KLF7: variants seen among roughly 807,000 people sequenced by gnomAD.
KLF7 encodes the protein KLF transcription factor 7, also known as Krueppel-like factor 7.
Under a neutral mutation model 27.3 loss-of-function variants are expected in KLF7, and 2 were observed. That is an observed-to-expected ratio of 0.07 (90% CI 0.03 to 0.23). KLF7 has a LOEUF of 0.23. Among genes scored for constraint, KLF7 ranks in the 10% least tolerant of loss-of-function variants. The pLI, the probability that KLF7 is intolerant of heterozygous loss-of-function variation, is 1.00. For missense variants in KLF7, 221 were observed against 394.1 expected (o/e 0.56, Z 3.72); for synonymous variants, 165 against 162.4 (o/e 1.02, Z -0.12).
intron 1 of KLF7, among the ~76,000 whole-genome samples, chr2:207,149,776 C>T (rs1208356578): frequency 1.3e-5 from 2 of 152,192 alleles, no homozygotes; most frequent in African/African-American, 4.8e-5. Flanking sequence ...AACCTTCCTT[C>T]CAAGCTGCAG....
At chr2:207,122,369 C>T (rs2105980529) in intron 2 of KLF7, among the ~76,000 whole-genome samples, 1 of 152,154 alleles carries the variant, frequency 6.6e-6, no homozygotes, top group South Asian at 2.1e-4. Flanking sequence ...TCCTGGTGTG[C>T]AAGGAAGCAA....
intron 1 of KLF7, among the ~76,000 whole-genome samples, chr2:207,135,672 A>T (rs2077763789): frequency 6.6e-6 from 1 of 152,258 alleles, no homozygotes; most frequent in Non-Finnish European, 1.5e-5. Context: ...CAAGAGTATC[A>T]TGAAAGCCAG....
chr2:207,134,989 G>A (rs7583880), intron 1 of KLF7, among the ~76,000 whole-genome samples: 99,570 of 152,122 alleles, frequency 0.65, 32,942 homozygotes, highest in Admixed American at 0.72. Flanking sequence ...TACACTTCCA[G>A]ACAGACATAA....
At chr2:207,118,190 A>G (rs2077239676) in intron 2 of KLF7, among the ~76,000 whole-genome samples, 1 of 152,116 alleles carries the variant, frequency 6.6e-6, no homozygotes, top group Admixed American at 6.5e-5. Context: ...GACCTTTCTT[A>G]TTTGATAGGG....
chr2:207,100,896 C>T (rs372863037), intron 2 of KLF7, among the ~76,000 whole-genome samples: 10 of 152,222 alleles, frequency 6.6e-5, no homozygotes, highest in African/African-American at 2.2e-4. Flanking sequence ...TATGTCCAGG[C>T]ACTGGGCTAG....
chr2:207,109,352 A>C (rs2076967334), intron 2 of KLF7, among the ~76,000 whole-genome samples: 1 of 152,216 alleles, frequency 6.6e-6, no homozygotes, highest in Non-Finnish European at 1.5e-5. Flanking sequence ...TCTGAACCAT[A>C]AACAAAACTG....
intron 2 of KLF7, among the ~76,000 whole-genome samples, 194 bp downstream of exon 2, chr2:207,123,580 G>A (rs112428945): frequency 2.6e-5 from 4 of 152,244 alleles, no homozygotes; most frequent in African/African-American, 9.6e-5. Context: ...GGACAAACCC[G>A]TCTGTGCTTG....
intron 1 of KLF7, among the ~76,000 whole-genome samples, chr2:207,144,582 C>T (rs2078043098): frequency 6.6e-6 from 1 of 152,178 alleles, no homozygotes; most frequent in Non-Finnish European, 1.5e-5. Context: ...TCACCAACTC[C>T]CATGATACCC....
chr2:207,088,389 G>T, intron 3 of KLF7, 69 bp downstream of exon 3: 1 of 1,549,198 alleles, frequency 6.5e-7, no homozygotes, highest in Non-Finnish European at 8.8e-7. Flanking sequence ...AAGCACACGG[G>T]TGCTGCTCAC....
At chr2:207,095,793 TA>T (rs1392381792) in intron 2 of KLF7, among the ~76,000 whole-genome samples, 1 of 152,192 alleles carries the variant, frequency 6.6e-6, no homozygotes, top group African/African-American at 2.4e-5. Context: ...GAATTAGTAT[TA>T]AAAAAGAATG....
At chr2:207,166,939 G>GCGCCGCCGC (rs200790025), upstream of KLF7, 46 of 751,922 alleles carry the variant, frequency 6.1e-5, no homozygotes, top group South Asian at 1.8e-4. Flanking sequence ...CGCCCCGCGG[G>GCGCCGCCGC]CGCCGCCGCC....
Position 207,076,023 on chromosome 2 carries a change from C to T in KLF7, c.*5190G>A, listed in dbSNP as rs1018932269. ...CTATGTGGAACTCCCAGTGTGGTTT[C>T]GATATACTGGCAATTATAAGCATCC... On this transcript the variant is annotated 3_prime_UTR_variant, in exon 4 of 4. Transcript: ENST00000309446. 6.7e-6 allele frequency: 1 copy of T among 149,690 alleles called. No homozygotes were observed. Among genetic ancestry groups the T allele is most frequent in the Non-Finnish European group, 1.5e-5 (1 of 67,440 alleles). 9.3% of individuals were successfully genotyped at this position (149,690 alleles called of 1,614,324 possible). A position where few individuals can be genotyped will look rare whatever the true frequency, so the allele number is the denominator to read the frequency against.
intron 2 of KLF7, among the ~76,000 whole-genome samples, chr2:207,092,899 T>G (rs538242732): frequency 1.0e-3 from 155 of 152,334 alleles, no homozygotes; most frequent in African/African-American, 3.3e-3. Context: ...CATACATATT[T>G]CTTCTTGCCT....
intron 1 of KLF7, 36 bp downstream of exon 1, chr2:207,165,431 A>C (rs766827965): frequency 7.4e-6 from 12 of 1,613,462 alleles, no homozygotes; most frequent in Non-Finnish European, 1.0e-5. Flanking sequence ...CTCCGCCGCC[A>C]CCACACGATT....
rs1372858612 is a variant in KLF7 at position 207,124,113 on chromosome 2, C to T, written c.394G>A (p.Ala132Thr). The T allele has an allele frequency of 3.1e-6, 5 of 1,614,038 alleles. No homozygotes were observed. The highest frequency in any genetic ancestry group is 4.5e-5 in the East Asian group (2 of 44,884). ...GATGGGGGCGTTAATGAGGTCACTG[C>T]GTTGAGCTGGGCCTGGTTGACGGCT... ...YTAVNQAQLNAVTSLTPPSSP... is the reference protein window; with the variant it reads ...YTAVNQAQLNTVTSLTPPSSP... The change falls in exon 2 of 4, where the codon GCA becomes ACA. Residue 132 changes from alanine to threonine, a missense_variant. Ala to Thr is a moderately conservative substitution (Grantham distance 58). Around this residue, in one of 3 missense-constraint regions of KLF7, gnomAD observed 180 missense variants for 227.9 expected, o/e 0.79. Coordinates refer to ENST00000309446, the MANE Select transcript of KLF7 (RefSeq NM_003709.4).
At chr2:207,082,058 C>T (rs891132109) in intron 3 of KLF7, among the ~76,000 whole-genome samples, 3 of 152,116 alleles carry the variant, frequency 2.0e-5, no homozygotes, top group Non-Finnish European at 4.4e-5. Context: ...TTTCTTGGAA[C>T]CTAAGGCCCA....
intron 3 of KLF7, among the ~76,000 whole-genome samples, chr2:207,082,153 C>T (rs2076287531): frequency 6.6e-6 from 1 of 152,164 alleles, no homozygotes; most frequent in African/African-American, 2.4e-5. Flanking sequence ...TTGATATTCT[C>T]TTGGGTACCA....
intron 1 of KLF7, among the ~76,000 whole-genome samples, chr2:207,137,749 CCTCT>C (rs1050694288): frequency 1.3e-5 from 2 of 150,548 alleles, no homozygotes; most frequent in Non-Finnish European, 3.0e-5. Flanking sequence ...ATTTTGGATG[CCTCT>C]CTCTCTAAAT....
At chr2:207,160,652 A>C (rs949445630) in intron 1 of KLF7, among the ~76,000 whole-genome samples, 2 of 152,258 alleles carry the variant, frequency 1.3e-5, no homozygotes, top group Non-Finnish European at 2.9e-5. Context: ...CTTGTACTCC[A>C]AAAGTTAAAA....
Sources: allele counts gnomAD v4.1 joint callset (sites outside exome capture counted in the v4.1 genomes callset), GRCh38; gene constraint gnomAD v4.1.1; regional missense constraint gnomAD v4.1.1; transcripts MANE v1.5; gene names NCBI Gene and HGNC (gene_info 2026-07-23, HGNC 2026-07-21).